Variants in MLC1 observed in about 807,000 individuals in gnomAD.
MLC1 encodes the protein modulator of VRAC current 1.
MLC1 carries 32 observed loss-of-function variants against 44.7 expected under a neutral mutation model. The ratio of observed to expected loss-of-function variants is 0.72; its 90% CI spans 0.54 to 0.96. The LOEUF is 0.96. MLC1 is among the 40% of genes least tolerant of loss of function. MLC1 has a pLI of 0.00. For missense variants in MLC1, 459 were observed against 492.2 expected (o/e 0.93, Z 0.64); for synonymous variants, 190 against 213.0 (o/e 0.89, Z 0.94).
At chr22:50,076,762 C>T (rs1171353988) in intron 7 of MLC1, 79 bp downstream of exon 7, 3 of 1,502,568 alleles carry the variant, frequency 2.0e-6, no homozygotes, top group African/African-American at 1.4e-5. Flanking sequence ...AACTCGGAAT[C>T]GAAACGTGAC....
At chr22:50,063,490 A>G (rs547174858) in intron 11 of MLC1, among the ~76,000 whole-genome samples, 4 of 149,836 alleles carry the variant, frequency 2.7e-5, no homozygotes, top group Admixed American at 6.6e-5. Context: ...AAAAAAAAAA[A>G]GAAAAGAAAG....
At position 50,074,665 on chromosome 22, in the gene MLC1, T is replaced by G. The variant is rs1342056137; in HGVS notation, c.598-333A>C. The G allele has an allele frequency of 1.5e-4, 56 of 367,706 alleles. No homozygotes were observed. In the Admixed American group the frequency reaches 2.1e-3, roughly 14 times the overall value. The allele number at this position is 367,706 out of a possible 1,614,324, so 22.8% of individuals were successfully genotyped here. ...TCAGACTCCCTTCCCTGTCTCACAG[T>G]GTGGCAGGCGGCGGTGCTCAGACCC... On this transcript the variant is annotated intron_variant, in intron 7 of 11. Coordinates refer to ENST00000311597, the MANE Select transcript of MLC1 (RefSeq NM_015166.4).
Position 50,060,382 on chromosome 22 carries a change from T to A in MLC1, c.*1201A>T, listed in dbSNP as rs2061538060. 6.6e-6 allele frequency: 1 copy of A among 152,364 alleles called. No homozygotes were observed. The highest frequency in any genetic ancestry group is 2.4e-5 in the African/African-American group (1 of 41,448). 9.4% of individuals were successfully genotyped at this position (152,364 alleles called of 1,614,324 possible). A position where few individuals can be genotyped will look rare whatever the true frequency, so the allele number is the denominator to read the frequency against. On this transcript the variant is annotated 3_prime_UTR_variant, in exon 12 of 12. Coordinates refer to ENST00000311597, the MANE Select transcript of MLC1 (RefSeq NM_015166.4). ...TGTTATTCTCACACCCAACTGTCCC[T>A]GCAGCCTGGCAGGTGGGCAGTGACC...
chr22:50,082,546 C>T (rs2062172547), intron 3 of MLC1, among the ~76,000 whole-genome samples: 1 of 152,278 alleles, frequency 6.6e-6, no homozygotes, highest in South Asian at 2.1e-4. Flanking sequence ...TCAGAATCAA[C>T]ACGCAATTCC....
intron 11 of MLC1, among the ~76,000 whole-genome samples, chr22:50,062,467 A>G (rs1251117387): frequency 1.3e-5 from 2 of 152,202 alleles, no homozygotes; most frequent in Admixed American, 1.3e-4. Context: ...TAGCAGGGAG[A>G]CTGACCACAG....
At chr22:50,066,382 G>A (rs1042378450) in intron 10 of MLC1, among the ~76,000 whole-genome samples, 4 of 152,106 alleles carry the variant, frequency 2.6e-5, no homozygotes, top group Non-Finnish European at 5.9e-5. Context: ...GTATATGGCT[G>A]GGCACGGTGG....
At chr22:50,075,050 G>A (rs2061945229) in intron 7 of MLC1, among the ~76,000 whole-genome samples, 1 of 152,188 alleles carries the variant, frequency 6.6e-6, no homozygotes, top group South Asian at 2.1e-4. Context: ...ACAAAGCCAA[G>A]AACCCTGCTG....
At chr22:50,085,265 A>C in intron 1 of MLC1, 90 bp downstream of exon 1, 2 of 1,151,246 alleles carry the variant, frequency 1.7e-6, no homozygotes, top group South Asian at 3.5e-5. Flanking sequence ...CACGCCGGGG[A>C]CTCAAGCACG....
intron 8 of MLC1, among the ~76,000 whole-genome samples, chr22:50,073,982 T>C (rs1391629226): frequency 1.3e-5 from 2 of 152,328 alleles, no homozygotes; most frequent in East Asian, 1.9e-4. Context: ...AAATAATTGG[T>C]ATTTTTTTCA....
chr22:50,061,450 C>T lies in MLC1; in HGVS notation c.*133G>A. On this transcript the variant is annotated 3_prime_UTR_variant, in exon 12 of 12. Coordinates refer to ENST00000311597, the MANE Select transcript of MLC1 (RefSeq NM_015166.4). The stretch of plus-strand genomic sequence containing the variant: ...AAACTACCCTAGGAAGTGAAAACCC[C>T]ACCTGCAGCCTGGTTTGCCCTCACA... 2.1e-6 allele frequency: 2 copies of T among 958,182 alleles called. No individual in the cohort carries two copies. Among genetic ancestry groups the T allele is most frequent in the Non-Finnish European group, 3.3e-6 (2 of 604,142 alleles). The allele number at this position is 958,182 out of a possible 1,614,324, so 59.4% of individuals were successfully genotyped here. A position where few individuals can be genotyped will look rare whatever the true frequency, so the allele number is the denominator to read the frequency against.
At chr22:50,074,104 T>C (rs2146857180) in intron 8 of MLC1, 112 bp downstream of exon 8, 2 of 874,386 alleles carry the variant, frequency 2.3e-6, no homozygotes. Context: ...GCGAGGACCC[T>C]CTGTGGTGAC....
At chr22:50,062,994 G>A (rs1361004869) in intron 11 of MLC1, among the ~76,000 whole-genome samples, 4 of 152,198 alleles carry the variant, frequency 2.6e-5, no homozygotes, top group African/African-American at 9.7e-5. Context: ...GTGCCAGGCT[G>A]GGTGGGCATT....
chr22:50,066,274 G>A (rs8139747), intron 10 of MLC1, among the ~76,000 whole-genome samples: 4,078 of 150,620 alleles, frequency 0.027, 156 homozygotes, highest in African/African-American at 0.081. Context: ...CAAGGTGGGC[G>A]GATCGCTTCA....
At chr22:50,070,427 T>C in intron 9 of MLC1, 100 bp downstream of exon 9, 6 of 1,202,532 alleles carry the variant, frequency 5.0e-6, no homozygotes, top group South Asian at 3.9e-5. Flanking sequence ...CTGCGCTCTC[T>C]TGGGCTGGAG....
intron 3 of MLC1, among the ~76,000 whole-genome samples, chr22:50,081,264 A>G (rs1438873545): frequency 1.3e-5 from 2 of 151,896 alleles, no homozygotes; most frequent in Admixed American, 6.6e-5. Flanking sequence ...AATTGCTTGA[A>G]CCCAGGAGGT....
chr22:50,074,287 T>C lies in MLC1; in HGVS notation c.643A>G (p.Ile215Val), dbSNP rs1401537228. Residue 215 changes from isoleucine to valine, a missense_variant, in exon 8 of 12, where the codon ATT (isoleucine) becomes GTT (valine). Physicochemically the swap from Ile to Val is conservative, Grantham distance 29. Transcript: ENST00000311597. ...AGISAVLGGI[I>V]ALNVDDSVSG... ...ACTGAGTCATCCACGTTCAGGGCAA[T>C]GATCCCCCCGAGGACGGCAGAGATG... 2 of 1,614,142 alleles carry C rather than the reference T, an allele frequency of 1.2e-6. No individual in the cohort carries two copies. Among genetic ancestry groups the C allele is most frequent in the Admixed American group, 3.3e-5 (2 of 60,010 alleles).
chr22:50,068,239 C>T lies in MLC1; in HGVS notation c.894+194G>A, dbSNP rs2076127. Among the ~76,000 whole-genome samples the T allele has an allele frequency of 0.17, 26,335 of 152,210 alleles. 2,460 individuals are homozygous for T. Among genetic ancestry groups the T allele is most frequent in the East Asian group, 0.26 (1,317 of 5,164 alleles). On this transcript the variant is annotated intron_variant, in intron 10 of 11. Transcript: ENST00000311597. ...GGTGGCCCCAGATACAGGGCGGAAT[C>T]GAGGCCCCGAGGCCCTGGGGCCAGG...
At chr22:50,070,677 G>A in intron 8 of MLC1, 94 bp from the exon 9 acceptor site, 1 of 1,336,564 alleles carries the variant, frequency 7.5e-7, no homozygotes, top group South Asian at 1.3e-5. Context: ...CCTCCATGCA[G>A]GCTGCCTGGC....
intron 5 of MLC1, 78 bp from the exon 6 acceptor site, chr22:50,077,580 T>G: frequency 1.7e-6 from 2 of 1,210,352 alleles, no homozygotes; most frequent in Non-Finnish European, 2.4e-6. Context: ...CCGGACCACC[T>G]CACGGGCAGG....
Sources: allele counts gnomAD v4.1 joint callset (sites outside exome capture counted in the v4.1 genomes callset), GRCh38; gene constraint gnomAD v4.1.1; transcripts MANE v1.5; gene names NCBI Gene and HGNC (gene_info 2026-07-23, HGNC 2026-07-21).